Variants in NTNG1 observed in about 807,000 individuals in gnomAD.
NTNG1 encodes netrin G1.
A neutral mutation model predicts 54.0 loss-of-function variants in NTNG1; 16 were observed. That is an observed-to-expected ratio of 0.30 (90% CI 0.20 to 0.45). The LOEUF is 0.45. Among genes scored for constraint, NTNG1 ranks in the 20% least tolerant of loss-of-function variants. The pLI is 1.00. For missense variants in NTNG1, 530 were observed against 678.7 expected (o/e 0.78, Z 2.43); for synonymous variants, 255 against 263.1 (o/e 0.97, Z 0.30).
At chr1:107,165,641 TAGTG>T (rs1655737566) in intron 2 of NTNG1, among the ~76,000 whole-genome samples, 1 of 152,200 alleles carries the variant, frequency 6.6e-6, no homozygotes, top group Non-Finnish European at 1.5e-5. Context: ...GCCTGATACA[TAGTG>T]AGCCCTTAAT....
chr1:107,229,949 A>T (rs1167835187), intron 2 of NTNG1, among the ~76,000 whole-genome samples: 1 of 152,030 alleles, frequency 6.6e-6, no homozygotes, highest in Non-Finnish European at 1.5e-5. Context: ...TATGCTAATG[A>T]CCCTGAAAAC....
intron 7 of NTNG1, among the ~76,000 whole-genome samples, chr1:107,471,724 T>G (rs547215): frequency 6.6e-6 from 1 of 152,224 alleles, no homozygotes; most frequent in Non-Finnish European, 1.5e-5. Flanking sequence ...CTTGCTCAAG[T>G]TTCATACTAG....
chr1:107,466,431 A>G (rs1340019540), intron 7 of NTNG1, among the ~76,000 whole-genome samples: 2 of 152,212 alleles, frequency 1.3e-5, no homozygotes, highest in African/African-American at 4.8e-5. Flanking sequence ...TTGCACACTC[A>G]GCAAAGAAGA....
chr1:107,267,347 T>A lies in NTNG1; in HGVS notation c.247-56935T>A, dbSNP rs147292580. ...CTGGAAGAATACTGGGGAGCTAATG[T>A]GTGTGTTAGATTTGAGTGCAGGAGA... On this transcript the variant is annotated intron_variant, in intron 2 of 7. Transcript: ENST00000370068. Among the ~76,000 whole-genome samples, 51 of 152,274 alleles carry A rather than the reference T, an allele frequency of 3.3e-4. No individual in the cohort carries two copies. In the East Asian group the frequency reaches 9.3e-3, roughly 28 times the overall value.
At chr1:107,391,008 A>G (rs1359446574) in intron 3 of NTNG1, among the ~76,000 whole-genome samples, 2 of 152,202 alleles carry the variant, frequency 1.3e-5, no homozygotes, top group Non-Finnish European at 2.9e-5. Context: ...TATTTTTTGT[A>G]TACCAGAAAG....
rs189612599 is a variant in NTNG1, at chr1:107,199,548, A to G, written c.246+50709A>G. Among the ~76,000 whole-genome samples, 180 of 152,034 alleles carry G rather than the reference A, an allele frequency of 1.2e-3. 2 individuals are homozygous for G. Among genetic ancestry groups the G allele is most frequent in the Middle Eastern group, 6.8e-3 (2 of 294 alleles). On this transcript the variant is annotated intron_variant, in intron 2 of 7. Coordinates refer to ENST00000370068, the MANE Select transcript of NTNG1 (RefSeq NM_001113226.3). Reference sequence around the variant, plus strand: ...CTCAATGTCACATCAAAATTCATCCATTCAACAAATGTTTAATGAATGTCT... The same window carrying G: ...CTCAATGTCACATCAAAATTCATCCGTTCAACAAATGTTTAATGAATGTCT...
At chr1:107,204,598 G>A (rs1212409660) in intron 2 of NTNG1, among the ~76,000 whole-genome samples, 2 of 152,086 alleles carry the variant, frequency 1.3e-5, no homozygotes, top group African/African-American at 4.8e-5. Flanking sequence ...TACAATCAAG[G>A]ATAATAATTG....
At chr1:107,194,791 T>C (rs1658199207) in intron 2 of NTNG1, among the ~76,000 whole-genome samples, 2 of 152,054 alleles carry the variant, frequency 1.3e-5, no homozygotes, top group Non-Finnish European at 2.9e-5. Flanking sequence ...CTTGGTTAAT[T>C]ATAGATATGG....
At chr1:107,176,328 A>T (rs1656645377) in intron 2 of NTNG1, among the ~76,000 whole-genome samples, 1 of 152,186 alleles carries the variant, frequency 6.6e-6, no homozygotes, top group African/African-American at 2.4e-5. Context: ...AAATTAAAAT[A>T]AAAATATGCA....
At position 107,329,357 on chromosome 1, in the gene NTNG1, A is replaced by T. The variant is rs550915013; in HGVS notation, c.887+4435A>T. Among the ~76,000 whole-genome samples the T allele has an allele frequency of 3.7e-4, 57 of 152,282 alleles. No individual in the cohort carries two copies. The South Asian group carries it at 0.012, about 31-fold the overall frequency. ...TCTCAGGAGTCCAGCTTCTATGTGT[A>T]AACCTTATTCTTTGAATGTCACTGC... On this transcript the variant is annotated intron_variant, in intron 3 of 7. Transcript: ENST00000370068.
At chr1:107,298,122 T>C (rs1045746556) in intron 2 of NTNG1, among the ~76,000 whole-genome samples, 2 of 152,098 alleles carry the variant, frequency 1.3e-5, no homozygotes, top group Non-Finnish European at 2.9e-5. Flanking sequence ...AACAAATGGA[T>C]CAAAATTAAT....
chr1:107,196,231 T>G (rs111326638), intron 2 of NTNG1, among the ~76,000 whole-genome samples: 3 of 152,128 alleles, frequency 2.0e-5, no homozygotes, highest in Admixed American at 6.6e-5. Context: ...GATGGACTTA[T>G]GTTTAAACAT....
intron 1 of NTNG1, among the ~76,000 whole-genome samples, chr1:107,147,639 G>T (rs1251518716): frequency 6.6e-6 from 1 of 151,866 alleles, no homozygotes; most frequent in African/African-American, 2.4e-5. Flanking sequence ...AGATTTTTAG[G>T]GTCTCTTTGC....
At chr1:107,355,072 A>T (rs977022334) in intron 3 of NTNG1, among the ~76,000 whole-genome samples, 3 of 152,006 alleles carry the variant, frequency 2.0e-5, no homozygotes, top group Non-Finnish European at 4.4e-5. Flanking sequence ...TAGTGAACAG[A>T]TATTTTATTT....
intron 3 of NTNG1, among the ~76,000 whole-genome samples, chr1:107,328,090 A>T (rs1668071485): frequency 6.6e-6 from 1 of 151,944 alleles, no homozygotes; most frequent in Non-Finnish European, 1.5e-5. Context: ...GCTTCCATTT[A>T]CTCCCTCTCA....
intron 3 of NTNG1, among the ~76,000 whole-genome samples, chr1:107,382,399 C>T (rs1353730591): frequency 3.3e-5 from 5 of 152,144 alleles, no homozygotes; most frequent in South Asian, 4.1e-4. Flanking sequence ...AAAAATGTGA[C>T]ATTGATCCAT....
intron 3 of NTNG1, among the ~76,000 whole-genome samples, chr1:107,385,247 G>T (rs1899775): frequency 8.2e-4 from 125 of 152,156 alleles, no homozygotes; most frequent in African/African-American, 3.0e-3. Context: ...TTTGACACAC[G>T]TTCCCTAATT....
intron 3 of NTNG1, among the ~76,000 whole-genome samples, chr1:107,393,780 T>C (rs990632831): frequency 6.6e-6 from 1 of 152,076 alleles, no homozygotes; most frequent in Non-Finnish European, 1.5e-5. Context: ...AGAAAGATTA[T>C]GGAGGCACTA....
At chr1:107,375,728 TTGAC>T (rs1438155423) in intron 3 of NTNG1, among the ~76,000 whole-genome samples, 2 of 152,206 alleles carry the variant, frequency 1.3e-5, no homozygotes, top group Non-Finnish European at 2.9e-5. Flanking sequence ...GATTGATCAT[TTGAC>T]TGATAATTGA....
Sources: allele counts gnomAD v4.1 joint callset (sites outside exome capture counted in the v4.1 genomes callset), GRCh38; gene constraint gnomAD v4.1.1; transcripts MANE v1.5; gene names NCBI Gene and HGNC (gene_info 2026-07-23, HGNC 2026-07-21).